P2RX3: variants seen among roughly 807,000 people sequenced by gnomAD.
P2RX3 encodes the protein P2X purinoceptor 3.
P2RX3 carries 41 observed loss-of-function variants against 51.5 expected under a neutral mutation model. That is an observed-to-expected ratio of 0.80 (90% confidence interval 0.62 to 1.03). P2RX3 has a LOEUF of 1.03. Ranked by LOEUF, P2RX3 falls within the 50% of genes least tolerant of loss-of-function variation. P2RX3 has a pLI of 0.00. For synonymous variants in P2RX3, 185 were observed against 191.6 expected, an observed-to-expected ratio of 0.97 and a Z score of 0.29; for missense variants, 459 against 522.1, an observed-to-expected ratio of 0.88 and a Z score of 1.18.
intron 8 of P2RX3, among the ~76,000 whole-genome samples, chr11:57,363,710 C>G (rs1202592832): frequency 2.0e-5 from 3 of 152,176 alleles, no homozygotes; most frequent in Non-Finnish European, 4.4e-5. Flanking sequence ...AATGAGCTGT[C>G]TCTGTCACAG....
upstream of P2RX3, among the ~76,000 whole-genome samples, chr11:57,337,315 G>GAA (rs1856244975): frequency 9.0e-5 from 1 of 11,170 alleles, no homozygotes; most frequent in Non-Finnish European, 1.6e-4. Flanking sequence ...AAGAAAGAAA[G>GAA]AAAAAGAAAA....
At chr11:57,344,721 C>G (rs1288068901) in intron 1 of P2RX3, among the ~76,000 whole-genome samples, 1 of 151,948 alleles carries the variant, frequency 6.6e-6, no homozygotes, top group African/African-American at 2.4e-5. Flanking sequence ...ATTTATTTAT[C>G]AAAAATTTAA....
intron 8 of P2RX3, among the ~76,000 whole-genome samples, chr11:57,355,288 T>G (rs923151653): frequency 1.3e-5 from 2 of 151,966 alleles, no homozygotes; most frequent in African/African-American, 4.8e-5. Flanking sequence ...TTCATAGACA[T>G]GAGAAAATTC....
At position 57,338,462 on chromosome 11, in the gene P2RX3, G is replaced by A. The variant is rs566964429; in HGVS notation, c.-89G>A. On this transcript the variant is annotated 5_prime_UTR_variant, in exon 1 of 12. The change creates a new upstream start codon in the 5' untranslated region. Transcript: ENST00000263314. ...CCCTCTAAGCTGCCCCCTCCAGGTC[G>A]TGATCTCGTCTCCCTGTCCTGTAGG... The A allele has an allele frequency of 1.1e-5, 9 of 808,484 alleles. No individual in the cohort carries two copies. Among genetic ancestry groups the A allele is most frequent in the South Asian group, 2.0e-5 (1 of 50,976 alleles). The allele number at this position is 808,484 out of a possible 1,614,324, so 50.1% of individuals were successfully genotyped here.
intron 7 of P2RX3, 71 bp downstream of exon 7, chr11:57,349,969 T>C (rs1331001531): frequency 6.3e-7 from 1 of 1,590,682 alleles, no homozygotes; most frequent in East Asian, 2.3e-5. Context: ...TTCAGGGCCC[T>C]TTGGCCGGCA....
intron 8 of P2RX3, among the ~76,000 whole-genome samples, chr11:57,358,600 G>A (rs151281876): frequency 6.6e-6 from 1 of 152,260 alleles, no homozygotes; most frequent in East Asian, 1.9e-4. Flanking sequence ...GTGGGCCTCA[G>A]TTTCCTCCTC....
At chr11:57,349,664 C>T (rs1856506904) in intron 6 of P2RX3, 93 bp from the exon 7 acceptor site, 12 of 1,512,926 alleles carry the variant, frequency 7.9e-6, no homozygotes, top group Non-Finnish European at 9.1e-7. Flanking sequence ...GCTCAGATCC[C>T]CCCTAGGCCT....
chr11:57,357,922 C>G (rs1856655319), intron 8 of P2RX3, among the ~76,000 whole-genome samples: 1 of 152,190 alleles, frequency 6.6e-6, no homozygotes, highest in South Asian at 2.1e-4. Context: ...CTTAGAAACC[C>G]AAATTCCAGG....
At chr11:57,352,324 T>TA (rs1239428223) in intron 8 of P2RX3, among the ~76,000 whole-genome samples, 1 of 152,152 alleles carries the variant, frequency 6.6e-6, no homozygotes, top group African/African-American at 2.4e-5. Context: ...CTCCAAACTT[T>TA]AAAAAAACCA....
At chr11:57,349,936 C>G in intron 7 of P2RX3, 38 bp downstream of exon 7, 5 of 1,611,082 alleles carry the variant, frequency 3.1e-6, no homozygotes, top group Non-Finnish European at 3.4e-6. Context: ...CCCAAACTCC[C>G]CACCTTCAGC....
chr11:57,348,858 C>A (rs761920968), intron 6 of P2RX3, among the ~76,000 whole-genome samples, 154 bp downstream of exon 6: 2 of 152,192 alleles, frequency 1.3e-5, no homozygotes, highest in African/African-American at 2.4e-5. Context: ...AATCTCCCAG[C>A]GGGCCTTGGC....
chr11:57,343,798 G>T (rs1856384659), intron 1 of P2RX3, among the ~76,000 whole-genome samples: 1 of 152,164 alleles, frequency 6.6e-6, no homozygotes, highest in African/African-American at 2.4e-5. Context: ...ACCACAGTTT[G>T]CACTCTGCGA....
chr11:57,353,807 T>C (rs930141587), intron 8 of P2RX3, among the ~76,000 whole-genome samples: 11 of 150,576 alleles, frequency 7.3e-5, no homozygotes, highest in Non-Finnish European at 1.6e-4. Flanking sequence ...CCATCACTAA[T>C]TACATTCGCA....
chr11:57,336,039 G>C (rs1004740011), upstream of P2RX3, among the ~76,000 whole-genome samples: 1 of 152,102 alleles, frequency 6.6e-6, no homozygotes, highest in Non-Finnish European at 1.5e-5. Context: ...TGTGTGTAGG[G>C]CTCTTTAGAA....
Position 57,350,829 on chromosome 11 carries a change from C to G in P2RX3, c.773C>G (p.Pro258Arg). Residue 258 changes from proline to arginine, a missense_variant, in exon 8 of 12, where the codon CCC becomes CGC. Coordinates refer to ENST00000263314, the MANE Select transcript of P2RX3 (RefSeq NM_002559.5). ...GACAAGGCCTGGGACCAGTGCATCCCCAAATACTCCTTCACCCGGCTCGAC... is the reference window on the plus strand; with the variant it reads ...GACAAGGCCTGGGACCAGTGCATCCGCAAATACTCCTTCACCCGGCTCGAC... ...DLDKAWDQCI[P>R]KYSFTRLDSV... The G allele has an allele frequency of 6.2e-7, 1 of 1,614,070 alleles. No individual in the cohort carries two copies. Among genetic ancestry groups the G allele is most frequent in the Non-Finnish European group, 8.5e-7 (1 of 1,180,006 alleles).
rs1196234463 is a variant in P2RX3 at position 57,349,815 on chromosome 11, G to A, written c.622G>A (p.Asp208Asn). 1.2e-6 allele frequency: 2 copies of A among 1,614,074 alleles called. No individual in the cohort carries two copies. The highest frequency in any genetic ancestry group is 2.7e-5 in the African/African-American group (2 of 74,924). Residue 208 changes from aspartate to asparagine, a missense_variant, in exon 7 of 12, where the codon GAC becomes AAC. By Grantham distance (23) the Asp-to-Asn change is conservative. Transcript: ENST00000263314. The stretch of plus-strand genomic sequence containing the variant: ...CATGAAGACCTGCCGCTTCCACCCG[G>A]ACAAGGACCCTTTCTGCCCCATCTT... ...RDMKTCRFHP[D>N]KDPFCPILRV...
At chr11:57,366,385 AG>A (rs1856796983) in intron 8 of P2RX3, among the ~76,000 whole-genome samples, 2 of 152,146 alleles carry the variant, frequency 1.3e-5, no homozygotes, top group Non-Finnish European at 2.9e-5. Flanking sequence ...GTTTGTGGTG[AG>A]AATGAAATGG....
chr11:57,359,281 C>T (rs1184505321), intron 8 of P2RX3, among the ~76,000 whole-genome samples: 1 of 152,196 alleles, frequency 6.6e-6, no homozygotes, highest in Non-Finnish European at 1.5e-5. Context: ...CTCGGGTCCC[C>T]TGCCAGTGCC....
chr11:57,369,416 A>G lies in P2RX3; in HGVS notation c.1058A>G (p.Tyr353Cys). 6.2e-7 allele frequency: 1 copy of G among 1,609,438 alleles called. No individual in the cohort carries two copies. Among genetic ancestry groups the G allele is most frequent in the Non-Finnish European group, 8.5e-7 (1 of 1,178,268 alleles). ...AACTTCCTCAAGGGGGCCGACCAGTACAAAGCCAAGAAGTTTGAGGAGGTG... is the reference window on the plus strand; with the variant it reads ...AACTTCCTCAAGGGGGCCGACCAGTGCAAAGCCAAGAAGTTTGAGGAGGTG... ...LLNFLKGADQ[Y>C]KAKKFEEVNE... is the part of the protein sequence containing the mutation. The change falls in exon 11 of 12, where the codon TAC becomes TGC. Residue 353 changes from tyrosine to cysteine, a missense_variant. Transcript: ENST00000263314.
Sources: allele counts gnomAD v4.1 joint callset (sites outside exome capture counted in the v4.1 genomes callset), GRCh38; gene constraint gnomAD v4.1.1; transcripts MANE v1.5; gene names NCBI Gene and HGNC (gene_info 2026-07-23, HGNC 2026-07-21).